MOGAT2: variants seen among roughly 807,000 people sequenced by gnomAD.
MOGAT2 encodes 2-acylglycerol O-acyltransferase 2.
MOGAT2 carries 27 observed loss-of-function variants against 31.5 expected under a neutral mutation model. The ratio of observed to expected loss-of-function variants is 0.86; its 90% CI spans 0.63 to 1.18. The LOEUF (loss-of-function observed/expected upper bound fraction) is 1.18, where lower values mean the gene tolerates loss of function less well. Among genes scored for constraint, MOGAT2 ranks in the 50% most tolerant of loss-of-function variants. MOGAT2 has a pLI of 0.00. For missense variants in MOGAT2, 436 were observed against 433.2 expected, an observed-to-expected ratio of 1.01 and a Z score of -0.06; for synonymous variants, 163 against 170.0, an observed-to-expected ratio of 0.96 and a Z score of 0.32.
intron 1 of MOGAT2, 48 bp from the exon 2 acceptor site, chr11:75,719,944 C>T (rs754409249): frequency 1.9e-6 from 3 of 1,585,018 alleles, no homozygotes; most frequent in South Asian, 2.2e-5. Flanking sequence ...ATCTCACCTG[C>T]CTTCCTCTCA....
At chr11:75,729,476 T>C (rs780989277) in intron 5 of MOGAT2, among the ~76,000 whole-genome samples, 1 of 152,142 alleles carries the variant, frequency 6.6e-6, no homozygotes, top group Admixed American at 6.6e-5. Flanking sequence ...GGTTTCACCA[T>C]GTTGGCCAGG....
Position 75,727,546 on chromosome 11 carries a change from T to A in MOGAT2, c.382T>A (p.Phe128Ile). 1.2e-6 allele frequency: 2 copies of A among 1,614,188 alleles called. No individual in the cohort carries two copies. The highest frequency in any genetic ancestry group is 1.7e-6 in the Non-Finnish European group (2 of 1,180,028). The change falls in exon 3 of 6, where the codon TTC becomes ATC. Residue 128 changes from phenylalanine to isoleucine, a missense_variant. Phe to Ile is a conservative substitution (Grantham distance 21). Transcript: ENST00000198801. ...FANLCTESTG[F>I]SSIFPGIRPH... Reference sequence around the variant, plus strand: ...CAACCTGTGCACTGAGAGCACAGGCTTCTCTTCGATCTTCCCCGGTATCCG... The same window carrying A: ...CAACCTGTGCACTGAGAGCACAGGCATCTCTTCGATCTTCCCCGGTATCCG...
intron 2 of MOGAT2, among the ~76,000 whole-genome samples, chr11:75,723,615 G>A (rs1220773424): frequency 2.0e-5 from 3 of 152,144 alleles, no homozygotes; most frequent in Non-Finnish European, 2.9e-5. Flanking sequence ...TGTAGAGATG[G>A]AGTCTCACTG....
In MOGAT2 at chr11:75,731,353, G is replaced by C. The variant is rs989395663; in HGVS notation, c.*67G>C. 4 of 1,547,118 alleles carry C rather than the reference G, an allele frequency of 2.6e-6. No individual in the cohort carries two copies. In the African/African-American group the frequency reaches 6.5e-5, roughly 25 times the overall value. ...TGCTGTGCTGAGAAGACTTCCTGGA[G>C]GTGTTTGTTGAACATATCTGCAGAG... On this transcript the variant is annotated 3_prime_UTR_variant, in exon 6 of 6. Transcript: ENST00000198801.
At chr11:75,719,957 C>G (rs777661611) in intron 1 of MOGAT2, 35 bp from the exon 2 acceptor site, 3 of 1,603,736 alleles carry the variant, frequency 1.9e-6, no homozygotes, top group Non-Finnish European at 2.6e-6. Context: ...TCCTCTCAGA[C>G]CCCTGTCCCT....
rs1388182594 is a variant in MOGAT2 at position 75,727,891 on chromosome 11, G to T, written c.476-79G>T. The T allele has an allele frequency of 2.1e-6, 3 of 1,418,744 alleles. No individual in the cohort carries two copies. In the Admixed American group the frequency reaches 6.8e-5, roughly 32 times the overall value. The allele number at this position is 1,418,744 out of a possible 1,614,324, so 87.9% of individuals were successfully genotyped here. ...CCAGGCCTCAGTAGGCATTGCTGGT[G>T]ATCTCTTTATGGGCTACATGTACTT... On this transcript the variant is annotated intron_variant, in intron 3 of 5. Coordinates refer to ENST00000198801, the MANE Select transcript of MOGAT2 (RefSeq NM_025098.4).
At chr11:75,729,740 C>CTTTTTTTTTTTTTTTTTTTTTTTTT (rs543037592) in intron 5 of MOGAT2, among the ~76,000 whole-genome samples, 1 of 121,402 alleles carries the variant, frequency 8.2e-6, no homozygotes, top group Non-Finnish European at 1.6e-5. Context: ...GGGTTTAATT[C>CTTTTTTTTTTTTTTTTTTTTTTTTT]TTTTTTTTTT....
intron 2 of MOGAT2, among the ~76,000 whole-genome samples, chr11:75,721,679 G>A (rs1316369362): frequency 6.6e-6 from 1 of 152,104 alleles, no homozygotes; most frequent in South Asian, 2.1e-4. Flanking sequence ...AGTCTGGGGA[G>A]GACTCTGAGA....
intron 2 of MOGAT2, among the ~76,000 whole-genome samples, chr11:75,726,627 A>T (rs1555053389): frequency 1.4e-5 from 2 of 144,860 alleles, no homozygotes; most frequent in African/African-American, 5.3e-5. Context: ...GCAACAATCT[A>T]TTTTTTTTTC....
At chr11:75,723,404 G>C (rs1322228208) in intron 2 of MOGAT2, among the ~76,000 whole-genome samples, 1 of 152,138 alleles carries the variant, frequency 6.6e-6, no homozygotes, top group Non-Finnish European at 1.5e-5. Context: ...TGGGCCTGTG[G>C]GGTGGGGCTG....
intron 2 of MOGAT2, among the ~76,000 whole-genome samples, chr11:75,725,097 C>A (rs1944409798): frequency 6.6e-6 from 1 of 152,170 alleles, no homozygotes; most frequent in Non-Finnish European, 1.5e-5. Flanking sequence ...AGGCTAAATT[C>A]CTCAGCAGTG....
intron 5 of MOGAT2, 195 bp from the exon 6 acceptor site, chr11:75,730,937 A>G (rs1263535183): frequency 4.7e-6 from 2 of 421,352 alleles, no homozygotes; most frequent in Non-Finnish European, 8.2e-6. Flanking sequence ...AAAGAAAAGA[A>G]AAGAAAAGGA....
intron 4 of MOGAT2, 26 bp downstream of exon 4, chr11:75,728,170 C>G (rs1239483024): frequency 1.2e-6 from 2 of 1,607,008 alleles, no homozygotes. Context: ...GAAGAGCACT[C>G]TGGGTTCAGT....
intron 2 of MOGAT2, among the ~76,000 whole-genome samples, chr11:75,723,508 G>A (rs1458150509): frequency 6.8e-6 from 1 of 148,042 alleles, no homozygotes; most frequent in Non-Finnish European, 1.5e-5. Context: ...AGAGACAGTA[G>A]GGATCCTCAT....
Position 75,731,281 on chromosome 11 carries a change from T to C in MOGAT2, c.1000T>C (p.Cys334Arg), listed in dbSNP as rs1198344083. 2 of 1,613,870 alleles carry C rather than the reference T, an allele frequency of 1.2e-6. No homozygotes were observed. The highest frequency in any genetic ancestry group is 2.7e-5 in the African/African-American group (2 of 74,884). ...NIPADQHLEF[C>R] is the part of the protein sequence containing the mutation. ...CCCTGCTGACCAGCACTTGGAGTTC[T>C]GCTGAGCCCAAAGGGCAGGGCCAAC... The change falls in exon 6 of 6, where the codon TGC (cysteine) becomes CGC (arginine). Residue 334 changes from cysteine to arginine, a missense_variant. Transcript: ENST00000198801.
At chr11:75,724,503 T>G (rs1028659723) in intron 2 of MOGAT2, among the ~76,000 whole-genome samples, 1 of 152,012 alleles carries the variant, frequency 6.6e-6, no homozygotes, top group African/African-American at 2.4e-5. Context: ...CATGCATTTA[T>G]GTGCACGTAT....
At position 75,729,749 on chromosome 11, in the gene MOGAT2, T is replaced by TG. The variant is rs200820457; in HGVS notation, c.850+760_850+761insG. On this transcript the variant is annotated intron_variant, in intron 5 of 5. Transcript: ENST00000198801. ...GAAGGAGGGTTTAATTCTTTTTTTT[T>TG]TTTGTTTTTTTTTGAGACAGAGTCC... 7.1e-3 allele frequency among the ~76,000 whole-genome samples: 994 copies of TG among 140,428 alleles called. 16 individuals are homozygous for TG. The highest frequency in any genetic ancestry group is 0.039 in the South Asian group (167 of 4,324). 92.1% of individuals were successfully genotyped at this position (140,428 alleles called of 152,430 possible). A position where few individuals can be genotyped will look rare whatever the true frequency, so the allele number is the denominator to read the frequency against.
At chr11:75,722,970 GT>G (rs912985930) in intron 2 of MOGAT2, among the ~76,000 whole-genome samples, 1 of 152,034 alleles carries the variant, frequency 6.6e-6, no homozygotes, top group African/African-American at 2.4e-5. Context: ...TTTTGTTTTT[GT>G]TTTTTTCGAG....
chr11:75,730,845 G>A (rs1944469873), intron 5 of MOGAT2, among the ~76,000 whole-genome samples: 1 of 150,324 alleles, frequency 6.7e-6, no homozygotes, highest in African/African-American at 2.5e-5. Context: ...GACGCAGGAG[G>A]CAGAGGTTGC....
Sources: gnomAD v4.1 joint callset for allele counts (sites outside exome capture counted in the v4.1 genomes callset) on GRCh38, gnomAD v4.1.1 for gene constraint, MANE v1.5 for transcripts, NCBI Gene and HGNC (gene_info 2026-07-23, HGNC 2026-07-21) for gene names.